Variants in TACC2 observed in about 807,000 individuals in gnomAD.
TACC2 encodes transforming acidic coiled-coil-containing protein 2.
TACC2 carries 137 observed loss-of-function variants against 227.3 expected under a neutral mutation model. The observed-to-expected ratio is 0.60, with a 90% CI of 0.52 to 0.69. The LOEUF is 0.69. TACC2 is among the 30% of genes least tolerant of loss of function. The probability of loss-of-function intolerance (pLI) is 0.00; values close to 1 mark genes in which losing one functional copy is unlikely to be tolerated. For missense variants in TACC2, 3,470 were observed against 3,694.4 expected (o/e 0.94, Z 1.57); for synonymous variants, 1,523 against 1,487.5 (o/e 1.02, Z -0.55).
At chr10:122,081,341 G>A (rs12266097) in intron 3 of TACC2, among the ~76,000 whole-genome samples, 5,837 of 144,446 alleles carry the variant, frequency 0.04, 134 homozygotes, top group African/African-American at 0.063. Context: ...AACATGGTGA[G>A]ACCCCATCTC....
chr10:122,032,688 G>A (rs564901313), intron 2 of TACC2, among the ~76,000 whole-genome samples: 4 of 152,224 alleles, frequency 2.6e-5, no homozygotes, highest in African/African-American at 4.8e-5. Context: ...GGCCAGGCAC[G>A]GTGGCTCACG....
intron 7 of TACC2, among the ~76,000 whole-genome samples, chr10:122,177,130 GTC>G (rs1208321955): frequency 6.6e-6 from 1 of 152,186 alleles, no homozygotes; most frequent in Non-Finnish European, 1.5e-5. Flanking sequence ...CCACTCCTGT[GTC>G]TGCAGTTTCT....
intron 3 of TACC2, among the ~76,000 whole-genome samples, chr10:122,069,068 C>T (rs1238086702): frequency 7.0e-6 from 1 of 142,958 alleles, no homozygotes; most frequent in African/African-American, 3.0e-5. Context: ...GTCCTCCCCT[C>T]TCTAGTATTC....
At chr10:122,118,417 C>T (rs923087769) in intron 5 of TACC2, among the ~76,000 whole-genome samples, 2 of 152,150 alleles carry the variant, frequency 1.3e-5, no homozygotes, top group African/African-American at 2.4e-5. Flanking sequence ...TGTGGTCAGC[C>T]GTGTGCCAAG....
chr10:122,106,210 A>G (rs750373825), intron 5 of TACC2, among the ~76,000 whole-genome samples: 3 of 149,934 alleles, frequency 2.0e-5, no homozygotes, highest in African/African-American at 7.4e-5. Flanking sequence ...TTGGTCTCCA[A>G]CTCCTGACCT....
chr10:122,062,921 T>TC (rs2076992863), intron 3 of TACC2, among the ~76,000 whole-genome samples: 1 of 152,152 alleles, frequency 6.6e-6, no homozygotes, highest in Non-Finnish European at 1.5e-5. Context: ...TGGCTGTAGA[T>TC]GACCCAAGGG....
intron 8 of TACC2, among the ~76,000 whole-genome samples, chr10:122,208,165 G>A (rs556933238): frequency 6.6e-6 from 1 of 152,318 alleles, no homozygotes; most frequent in South Asian, 2.1e-4. Context: ...TATTTAGGGC[G>A]TCTGCTCCAG....
At chr10:122,114,197 C>T (rs1420026131) in intron 5 of TACC2, among the ~76,000 whole-genome samples, 1 of 152,170 alleles carries the variant, frequency 6.6e-6, no homozygotes, top group Non-Finnish European at 1.5e-5. Flanking sequence ...AGGGCAGTTT[C>T]CTGTGCTATG....
chr10:122,185,021 C>CTTTTTTTTTT (rs34148046), intron 7 of TACC2, among the ~76,000 whole-genome samples: 2 of 95,308 alleles, frequency 2.1e-5, no homozygotes, highest in African/African-American at 4.3e-5. Flanking sequence ...GTCACTTATT[C>CTTTTTTTTTT]TTTTTTTTTT....
intron 1 of TACC2, among the ~76,000 whole-genome samples, chr10:121,997,051 G>A (rs1215544246): frequency 1.3e-5 from 2 of 152,074 alleles, no homozygotes; most frequent in East Asian, 3.9e-4. Context: ...GGTGGAAAGA[G>A]CCTGGAGGTG....
chr10:122,149,984 A>G (rs4752658), intron 7 of TACC2, among the ~76,000 whole-genome samples: 141,804 of 152,252 alleles, frequency 0.93, 66,587 homozygotes, highest in Non-Finnish European at 1. Flanking sequence ...TCAGTCTCCG[A>G]AATGTGAGCT....
At chr10:122,192,900 C>T (rs2094456427) in intron 7 of TACC2, 1 of 393,240 alleles carries the variant, frequency 2.5e-6, no homozygotes, top group African/African-American at 2.1e-5. Flanking sequence ...GGGCAGCACC[C>T]AGGGCTCGCC....
intron 6 of TACC2, among the ~76,000 whole-genome samples, chr10:122,142,941 T>C (rs903994173): frequency 6.6e-6 from 1 of 152,050 alleles, no homozygotes; most frequent in African/African-American, 2.4e-5. Flanking sequence ...TTGTGGGGAG[T>C]GGTCTCCAGT....
chr10:122,204,588 C>G (rs1565609712), intron 8 of TACC2, among the ~76,000 whole-genome samples: 1 of 152,234 alleles, frequency 6.6e-6, no homozygotes, highest in Non-Finnish European at 1.5e-5. Context: ...GTCATCTCAG[C>G]ACTTTGGGAG....
rs1409145019 is a variant in TACC2 at position 122,132,593 on chromosome 10, C to T, written c.5574-16C>T. ...AATGTTTCTGAGTTTAGGTTCTTTC[C>T]CTTTTCTCTCCCCAGTTCACCTGTG... On this transcript the variant is annotated splice_polypyrimidine_tract_variant and intron_variant, in intron 5 of 22. Transcript: ENST00000369005. 1 of 1,613,950 alleles carries T rather than the reference C, an allele frequency of 6.2e-7. No individual in the cohort carries two copies. The highest frequency in any genetic ancestry group is 8.5e-7 in the Non-Finnish European group (1 of 1,179,890).
intron 7 of TACC2, among the ~76,000 whole-genome samples, chr10:122,152,725 G>C (rs190034805): frequency 6.6e-6 from 1 of 152,296 alleles, no homozygotes; most frequent in African/African-American, 2.4e-5. Context: ...TTGGGGAAAT[G>C]GGCCGAGCCA....
At chr10:122,226,994 G>GAATGTAAA (rs2095642769) in intron 13 of TACC2, among the ~76,000 whole-genome samples, 1 of 152,126 alleles carries the variant, frequency 6.6e-6, no homozygotes, top group Non-Finnish European at 1.5e-5. Flanking sequence ...TGCCTCTCCT[G>GAATGTAAA]GGCCTCAGCT....
chr10:122,203,311 C>T (rs1199600673), intron 8 of TACC2, among the ~76,000 whole-genome samples: 2 of 132,604 alleles, frequency 1.5e-5, no homozygotes, highest in African/African-American at 7.3e-5. Flanking sequence ...CCAGTAGGGG[C>T]GGCCGGGCAG....
chr10:122,163,786 C>A, intron 7 of TACC2: 1 of 1,233,032 alleles, frequency 8.1e-7, no homozygotes. Context: ...CTCCCGCCGC[C>A]ACGGATGCCC....
Sources: allele counts gnomAD v4.1 joint callset (sites outside exome capture counted in the v4.1 genomes callset), GRCh38; gene constraint gnomAD v4.1.1; transcripts MANE v1.5; gene names NCBI Gene and HGNC (gene_info 2026-07-23, HGNC 2026-07-21).